Variants in MYO1H observed in about 807,000 individuals in gnomAD.
MYO1H encodes the protein myosin IH.
MYO1H carries 118 observed loss-of-function variants against 149.3 expected under a neutral mutation model. That is an observed-to-expected ratio of 0.79 (90% CI 0.68 to 0.92). The LOEUF (loss-of-function observed/expected upper bound fraction) is 0.92. MYO1H is among the 40% of genes least tolerant of loss of function. The probability of loss-of-function intolerance (pLI) is 0.00; values close to 1 mark genes in which losing one functional copy is unlikely to be tolerated. For missense variants in MYO1H, 1,212 were observed against 1,280.7 expected (o/e 0.95, Z 0.82); for synonymous variants, 447 against 465.2 (o/e 0.96, Z 0.50).
intron 27 of MYO1H, among the ~76,000 whole-genome samples, chr12:109,442,718 G>A (rs11066591): frequency 0.33 from 49,798 of 151,084 alleles, 8,441 homozygotes; most frequent in African/African-American, 0.4. Context: ...TGAGTCGGTG[G>A]GCGAGAGGTG....
intron 30 of MYO1H, among the ~76,000 whole-genome samples, 160 bp downstream of exon 30, chr12:109,444,689 A>G (rs1872404416): frequency 6.6e-6 from 1 of 152,110 alleles, no homozygotes; most frequent in African/African-American, 2.4e-5. Flanking sequence ...CAAAATGGTG[A>G]AACCCCGTTT....
chr12:109,436,582 G>C, intron 22 of MYO1H, 26 bp downstream of exon 22: 1 of 1,543,860 alleles, frequency 6.5e-7, no homozygotes, highest in South Asian at 1.2e-5. Flanking sequence ...AAACAAATAA[G>C]TTTGCTCCCT....
At chr12:109,372,745 TCTTA>T (rs908801515) in intron 1 of MYO1H, among the ~76,000 whole-genome samples, 5 of 152,124 alleles carry the variant, frequency 3.3e-5, no homozygotes, top group Middle Eastern at 3.8e-3. Context: ...TCCTGGATAT[TCTTA>T]CTTATTTTTC....
intron 1 of MYO1H, among the ~76,000 whole-genome samples, chr12:109,378,040 ACTCTTTTTCAT>A (rs1869121901): frequency 6.6e-6 from 1 of 152,190 alleles, no homozygotes; most frequent in South Asian, 2.1e-4. Flanking sequence ...ATTATTGATA[ACTCTTTTTCAT>A]CTCTTTTTTA....
At chr12:109,430,835 A>T (rs1002691572) in intron 19 of MYO1H, among the ~76,000 whole-genome samples, 1 of 152,172 alleles carries the variant, frequency 6.6e-6, no homozygotes, top group Non-Finnish European at 1.5e-5. Flanking sequence ...CTGAAGCAGG[A>T]GAATCGCTTG....
At chr12:109,345,664 G>A (rs1424979193), upstream of MYO1H, among the ~76,000 whole-genome samples, 2 of 152,122 alleles carry the variant, frequency 1.3e-5, no homozygotes, top group African/African-American at 4.8e-5. Flanking sequence ...CCTGAATGTT[G>A]ATAGCATTAT....
chr12:109,350,905 A>G (rs1410044964), intron 1 of MYO1H, among the ~76,000 whole-genome samples: 1 of 152,236 alleles, frequency 6.6e-6, no homozygotes, highest in East Asian at 1.9e-4. Context: ...AGAGCACAAT[A>G]TCTAAACCAG....
At chr12:109,441,698 C>T (rs753404023) in exon 26 of MYO1H, 5 of 1,610,298 alleles carry the variant, frequency 3.1e-6, no homozygotes, top group Middle Eastern at 1.7e-4. Flanking sequence ...CCTTTGTCAA[C>T]AGTCGGATAG....
chr12:109,409,933 T>C, intron 11 of MYO1H, 30 bp from the exon 12 acceptor site: 3 of 1,276,662 alleles, frequency 2.3e-6, no homozygotes, highest in Non-Finnish European at 3.2e-6. Flanking sequence ...TTCATATAAC[T>C]TTAGTTACTT....
chr12:109,378,203 A>T (rs1052733523), intron 1 of MYO1H, among the ~76,000 whole-genome samples: 2 of 152,194 alleles, frequency 1.3e-5, no homozygotes, highest in African/African-American at 4.8e-5. Context: ...TCTTGGGTAG[A>T]TACCTAAGAG....
intron 31 of MYO1H, chr12:109,446,384 A>C: frequency 1.0e-6 from 1 of 985,398 alleles, no homozygotes; most frequent in Non-Finnish European, 1.2e-6. Flanking sequence ...TATTATAGGA[A>C]GAATTTTGAT....
chr12:109,443,539 A>T (rs756139371), exon 28 of MYO1H: 2 of 1,613,812 alleles, frequency 1.2e-6, no homozygotes, highest in Non-Finnish European at 1.7e-6. Context: ...ATTAAATATG[A>T]CAGAAAAGGC....
chr12:109,418,273 A>T (rs1871016373), intron 15 of MYO1H, among the ~76,000 whole-genome samples: 1 of 150,812 alleles, frequency 6.6e-6, no homozygotes, highest in African/African-American at 2.4e-5. Context: ...AGAAGTTTTT[A>T]GTTTTGATGA....
chr12:109,375,345 G>C (rs1361774594), intron 1 of MYO1H, among the ~76,000 whole-genome samples: 1 of 151,936 alleles, frequency 6.6e-6, no homozygotes, highest in Non-Finnish European at 1.5e-5. Flanking sequence ...TAGAGATGGG[G>C]TTTTGCCATG....
rs2135620322 is a variant in MYO1H, at chr12:109,447,437, A to G, written c.*255A>G. The G allele has an allele frequency of 6.8e-6, 4 of 584,340 alleles. No homozygotes were observed. In the East Asian group the frequency reaches 1.1e-4, roughly 17 times the overall value. The allele number at this position is 584,340 out of a possible 1,614,324, so 36.2% of individuals were successfully genotyped here. On this transcript the variant is annotated 3_prime_UTR_variant, in exon 32 of 32. Coordinates refer to ENST00000310903, the Ensembl canonical transcript of MYO1H. The stretch of plus-strand genomic sequence containing the variant: ...GTCACCCGAAGGCGCAATTCTAAAC[A>G]CCCTCGACAGGATCTATGTTCAGTG...
chr12:109,420,462 C>T (rs1485858214), intron 15 of MYO1H, among the ~76,000 whole-genome samples: 2 of 152,054 alleles, frequency 1.3e-5, no homozygotes, highest in African/African-American at 4.8e-5. Flanking sequence ...AGGAAACATA[C>T]AATCATGGTG....
At chr12:109,403,838 G>T in intron 6 of MYO1H, 144 bp from the exon 7 acceptor site, 2 of 547,184 alleles carry the variant, frequency 3.7e-6, no homozygotes, top group Non-Finnish European at 6.5e-6. Flanking sequence ...ATCATTACAT[G>T]CTAGACAATT....
At position 109,391,953 on chromosome 12, in the gene MYO1H, A is replaced by G. The variant is rs561746712; in HGVS notation, c.175-1378A>G. Among the ~76,000 whole-genome samples the G allele has an allele frequency of 1.6e-4, 25 of 152,124 alleles. No homozygotes were observed. The East Asian group carries it at 4.4e-3, about 27-fold the overall frequency. The stretch of plus-strand genomic sequence containing the variant: ...TTTGTTTAAATTCCTTGTAGACTGG[A>G]TATTAGACCTTTGTCAGGTGGATAG... On this transcript the variant is annotated intron_variant, in intron 2 of 31. Transcript: ENST00000310903.
upstream of MYO1H, among the ~76,000 whole-genome samples, chr12:109,347,151 C>A (rs1437820606): frequency 6.6e-6 from 1 of 152,160 alleles, no homozygotes; most frequent in African/African-American, 2.4e-5. Flanking sequence ...ATCCACTGTC[C>A]ATACCCTTAG....
Sources: allele counts gnomAD v4.1 joint callset (sites outside exome capture counted in the v4.1 genomes callset), GRCh38; gene constraint gnomAD v4.1.1; transcripts MANE v1.5; gene names NCBI Gene and HGNC (gene_info 2026-07-23, HGNC 2026-07-21).